ERC2: variants seen among roughly 807,000 people sequenced by gnomAD.
ERC2 encodes the protein ERC protein 2.
ERC2 carries 42 observed loss-of-function variants against 114.8 expected under a neutral mutation model. The observed-to-expected ratio is 0.37, with a 90% CI of 0.29 to 0.47. ERC2 has a LOEUF of 0.47. Ranked by LOEUF, ERC2 falls within the 20% of genes least tolerant of loss-of-function variation. The pLI is 0.99. For missense variants in ERC2, 939 were observed against 1,150.7 expected (o/e 0.82, Z 2.66); for synonymous variants, 454 against 425.5 (o/e 1.07, Z -0.82).
chr3:55,991,626 A>G (rs1240063238), intron 11 of ERC2, among the ~76,000 whole-genome samples: 1 of 152,192 alleles, frequency 6.6e-6, no homozygotes, highest in Non-Finnish European at 1.5e-5. Context: ...TTCTTCCGCT[A>G]TCTTGAATGA....
intron 1 of ERC2, among the ~76,000 whole-genome samples, chr3:56,438,732 T>C (rs540517812): frequency 1.3e-5 from 2 of 152,304 alleles, no homozygotes; most frequent in East Asian, 3.9e-4. Context: ...CCTTTGTATC[T>C]AGAGATACAC....
rs545610481 is a variant in ERC2, at chr3:56,161,897, C to T, written c.1149+11549G>A. Among the ~76,000 whole-genome samples the T allele has an allele frequency of 1.3e-4, 20 of 152,246 alleles. No homozygotes were observed. The South Asian group carries it at 4.2e-3, about 32-fold the overall frequency. ...TATTTCTTTCTCTTGCCTAATTGCTCTGGCTAGCACTTCCAGTACTATGTT... is the reference window on the plus strand; with the variant it reads ...TATTTCTTTCTCTTGCCTAATTGCTTTGGCTAGCACTTCCAGTACTATGTT... On this transcript the variant is annotated intron_variant, in intron 4 of 17. Coordinates refer to ENST00000288221, the MANE Select transcript of ERC2 (RefSeq NM_015576.3).
intron 12 of ERC2, among the ~76,000 whole-genome samples, chr3:55,964,903 G>T (rs532945244): frequency 6.6e-6 from 1 of 152,272 alleles, no homozygotes; most frequent in South Asian, 2.1e-4. Context: ...GGTCTGAAAG[G>T]CCACCCAAAG....
chr3:56,360,166 G>A lies in ERC2; in HGVS notation c.658-63731C>T, dbSNP rs145005268. ...TGCAAGCTCCGCCTCCTGGGTTTACGCCATTCTTGAGTAGCTGGGACTACA... is the reference window on the plus strand; with the variant it reads ...TGCAAGCTCCGCCTCCTGGGTTTACACCATTCTTGAGTAGCTGGGACTACA... On this transcript the variant is annotated intron_variant, in intron 2 of 17. Transcript: ENST00000288221. 2.7e-4 allele frequency among the ~76,000 whole-genome samples: 39 copies of A among 142,064 alleles called. No individual in the cohort carries two copies. The East Asian group carries it at 3.9e-3, about 14-fold the overall frequency. 93.2% of individuals were successfully genotyped at this position (142,064 alleles called of 152,430 possible).
At position 55,532,177 on chromosome 3, in the gene ERC2, A is replaced by G. The variant is rs529801342; in HGVS notation, c.*40-20901T>C. ...AGGAGAATTCCCTGCATGAATGGGA[A>G]GACCATAGAGCTGACTTCTAGTTCA... On this transcript the variant is annotated intron_variant, in intron 17 of 17. Coordinates refer to ENST00000288221, the MANE Select transcript of ERC2 (RefSeq NM_015576.3). 3.3e-5 allele frequency among the ~76,000 whole-genome samples: 5 copies of G among 152,342 alleles called. No individual in the cohort carries two copies. The South Asian group carries it at 1.0e-3, about 32-fold the overall frequency.
At chr3:55,563,065 C>T (rs796543336) in intron 17 of ERC2, among the ~76,000 whole-genome samples, 10 of 152,222 alleles carry the variant, frequency 6.6e-5, no homozygotes, top group African/African-American at 1.7e-4. Flanking sequence ...CACATGAATC[C>T]CAAATAAACA....
At chr3:56,244,082 C>A (rs2051509307) in intron 3 of ERC2, among the ~76,000 whole-genome samples, 2 of 152,170 alleles carry the variant, frequency 1.3e-5, no homozygotes, top group South Asian at 4.1e-4. Flanking sequence ...CAGTCATGCA[C>A]CACATAATGA....
At chr3:56,000,899 A>G (rs1223028679) in intron 10 of ERC2, among the ~76,000 whole-genome samples, 6 of 152,040 alleles carry the variant, frequency 3.9e-5, no homozygotes, top group Non-Finnish European at 8.8e-5. Flanking sequence ...AGTTTAAAAA[A>G]AAAAAAAAAG....
intron 3 of ERC2, among the ~76,000 whole-genome samples, chr3:56,218,456 GT>G (rs1234711050): frequency 4.6e-5 from 7 of 152,216 alleles, no homozygotes; most frequent in African/African-American, 1.7e-4. Flanking sequence ...TCTCACACCA[GT>G]TAGAATGGCG....
chr3:56,076,281 G>A (rs552068949), intron 7 of ERC2, among the ~76,000 whole-genome samples: 1 of 152,092 alleles, frequency 6.6e-6, no homozygotes. Context: ...CAATTTTAAT[G>A]GGTTTAAAAA....
At chr3:55,517,560 A>G (rs899237217) in intron 17 of ERC2, among the ~76,000 whole-genome samples, 1 of 152,178 alleles carries the variant, frequency 6.6e-6, no homozygotes, top group Admixed American at 6.5e-5. Context: ...CACTATGATA[A>G]TTGCATGGCT....
chr3:55,844,654 A>G (rs981902627), intron 14 of ERC2, among the ~76,000 whole-genome samples: 1 of 152,246 alleles, frequency 6.6e-6, no homozygotes, highest in Non-Finnish European at 1.5e-5. Flanking sequence ...AGGTGAAGTC[A>G]TATGATTTGT....
At chr3:55,968,971 C>T (rs1433426559) in intron 12 of ERC2, among the ~76,000 whole-genome samples, 1 of 152,070 alleles carries the variant, frequency 6.6e-6, no homozygotes, top group Non-Finnish European at 1.5e-5. Context: ...ATCCAGGCAG[C>T]CACTGAGAGG....
At chr3:56,012,361 C>A (rs1253169123) in intron 8 of ERC2, among the ~76,000 whole-genome samples, 1 of 152,140 alleles carries the variant, frequency 6.6e-6, no homozygotes, top group African/African-American at 2.4e-5. Context: ...ATCCCTCTGG[C>A]TGGATCACGT....
chr3:56,374,065 CT>C (rs1169305608), intron 2 of ERC2, among the ~76,000 whole-genome samples: 7 of 151,992 alleles, frequency 4.6e-5, no homozygotes, highest in East Asian at 1.9e-4. Context: ...ATGCCCACCC[CT>C]ATGCACAGAG....
intron 17 of ERC2, among the ~76,000 whole-genome samples, chr3:55,672,115 A>G (rs1344854748): frequency 1.3e-5 from 2 of 152,130 alleles, no homozygotes; most frequent in African/African-American, 4.8e-5. Flanking sequence ...GCTGAGGTGG[A>G]TCACCTGAGT....
At chr3:55,615,075 A>G (rs2059069584) in intron 17 of ERC2, among the ~76,000 whole-genome samples, 1 of 152,238 alleles carries the variant, frequency 6.6e-6, no homozygotes, top group Non-Finnish European at 1.5e-5. Flanking sequence ...CACCCCAAAG[A>G]AAAATATATT....
intron 13 of ERC2, among the ~76,000 whole-genome samples, chr3:55,924,120 C>T (rs1434324299): frequency 6.6e-6 from 1 of 152,060 alleles, no homozygotes; most frequent in Admixed American, 6.6e-5. Flanking sequence ...TAGAAAAGCA[C>T]CTTGGATCAA....
chr3:55,572,430 G>A (rs2056764931), intron 17 of ERC2, among the ~76,000 whole-genome samples: 2 of 152,202 alleles, frequency 1.3e-5, no homozygotes, highest in South Asian at 4.2e-4. Context: ...ACCCATGTAG[G>A]CAACAAAAAG....
Sources: allele counts gnomAD v4.1 joint callset (sites outside exome capture counted in the v4.1 genomes callset), GRCh38; gene constraint gnomAD v4.1.1; transcripts MANE v1.5; gene names NCBI Gene and HGNC (gene_info 2026-07-23, HGNC 2026-07-21).